The following UNC80 variants were observed in gnomAD, a reference collection of about 807,000 sequenced individuals.
The protein encoded by UNC80 is protein unc-80 homolog.
A neutral mutation model predicts 384.6 loss-of-function variants in UNC80; 164 were observed. The observed-to-expected ratio is 0.43, with a 90% confidence interval of 0.38 to 0.49. The LOEUF (loss-of-function observed/expected upper bound fraction) is 0.49. Among genes scored for constraint, UNC80 ranks in the 20% least tolerant of loss-of-function variants. The pLI is 0.00. For synonymous variants in UNC80, 1,486 were observed against 1,527.8 expected, an observed-to-expected ratio of 0.97 and a Z score of 0.64; for missense variants, 3,330 against 4,143.0, an observed-to-expected ratio of 0.80 and a Z score of 5.39.
intron 60 of UNC80, among the ~76,000 whole-genome samples, chr2:209,983,537 A>G (rs114435562): frequency 6.6e-6 from 1 of 152,098 alleles, no homozygotes; most frequent in African/African-American, 2.4e-5. Context: ...AACATGTCCT[A>G]AAAAAGATAT....
chr2:209,878,579 T>A (rs1340830923), intron 24 of UNC80, among the ~76,000 whole-genome samples: 5 of 152,196 alleles, frequency 3.3e-5, no homozygotes, highest in Non-Finnish European at 4.4e-5. Flanking sequence ...ACTTAAATAT[T>A]AAAATATTCA....
chr2:209,872,918 G>T lies in UNC80; in HGVS notation c.3788G>T (p.Arg1263Leu). 6.4e-7 allele frequency: 1 copy of T among 1,551,636 alleles called. No individual in the cohort carries two copies. Among genetic ancestry groups the T allele is most frequent in the South Asian group, 1.2e-5 (1 of 84,044 alleles). The change falls in exon 23 of 65, where the codon CGA becomes CTA. Residue 1263 changes from arginine (R) to leucine (L), a missense_variant. Transcript: ENST00000673920. This position sits in a 1 kb window ranked among gnomAD's most constrained non-coding sequence, Gnocchi z 4.1. ...RGRSPIVGNKRNQKLQWNAAK... is the reference protein window; with the variant it reads ...RGRSPIVGNKLNQKLQWNAAK... ...CGCTCTCCCATTGTGGGCAACAAGC[G>T]AAACCAGAAGCTGCAGTGGAATGCA...
At chr2:209,938,887 C>A (rs1038113473) in intron 42 of UNC80, among the ~76,000 whole-genome samples, 1 of 152,084 alleles carries the variant, frequency 6.6e-6, no homozygotes, top group African/African-American at 2.4e-5. Context: ...CAGAAGTTTC[C>A]TCAGTAGCTA....
chr2:209,966,928 C>G (rs1025664616), intron 51 of UNC80, among the ~76,000 whole-genome samples: 3 of 152,160 alleles, frequency 2.0e-5, no homozygotes, highest in Admixed American at 2.0e-4. Flanking sequence ...CAACAAAAAC[C>G]AAGAGCACTT....
At chr2:209,793,152 C>A (rs2077932165) in intron 6 of UNC80, among the ~76,000 whole-genome samples, 1 of 152,168 alleles carries the variant, frequency 6.6e-6, no homozygotes, top group Non-Finnish European at 1.5e-5. Context: ...GGCAGAATTA[C>A]ATTTATCAGC....
chr2:209,980,652 G>A (rs1421700949), intron 59 of UNC80, among the ~76,000 whole-genome samples: 2 of 152,142 alleles, frequency 1.3e-5, no homozygotes, highest in Non-Finnish European at 2.9e-5. Context: ...AAGGCCTATC[G>A]GGTATAAGAT....
intron 26 of UNC80, among the ~76,000 whole-genome samples, chr2:209,893,863 A>G (rs1336433227): frequency 6.6e-6 from 1 of 152,208 alleles, no homozygotes; most frequent in Non-Finnish European, 1.5e-5. Context: ...TCCCATGATA[A>G]AAGTGTACTA....
intron 62 of UNC80, among the ~76,000 whole-genome samples, chr2:209,992,789 AT>A (rs917032128): frequency 1.3e-5 from 2 of 152,210 alleles, no homozygotes; most frequent in African/African-American, 2.4e-5. Context: ...AGATTATTTA[AT>A]TTAAAGCAAA....
At chr2:209,807,121 A>G (rs1326245003) in intron 7 of UNC80, among the ~76,000 whole-genome samples, 1 of 152,200 alleles carries the variant, frequency 6.6e-6, no homozygotes, top group Non-Finnish European at 1.5e-5. Flanking sequence ...AACACATACA[A>G]TATTTTTAAA....
chr2:209,821,962 TATC>T (rs2080164991), intron 13 of UNC80, among the ~76,000 whole-genome samples: 1 of 152,224 alleles, frequency 6.6e-6, no homozygotes. Flanking sequence ...TCTTACATGT[TATC>T]ATATTTTCAC....
intron 3 of UNC80, among the ~76,000 whole-genome samples, chr2:209,776,849 T>C (rs1211579185): frequency 6.6e-6 from 1 of 152,256 alleles, no homozygotes. Context: ...GTCCTACCCA[T>C]GTACCCCACG....
In UNC80 at chr2:209,794,085, A is replaced by C. The variant is rs577297662; in HGVS notation, c.938+226A>C. On this transcript the variant is annotated intron_variant, in intron 7 of 64. Coordinates refer to ENST00000673920, the MANE Select transcript of UNC80 (RefSeq NM_001371986.1). ...TGGAAAAGATGCTTCTGATTTAATG[A>C]GATGTCTGAATTAGGTGTTACTTAA... is the stretch of plus-strand genomic sequence containing the variant. Among the ~76,000 whole-genome samples the C allele has an allele frequency of 2.5e-4, 38 of 152,342 alleles. No individual in the cohort carries two copies. The South Asian group carries it at 7.7e-3, about 31-fold the overall frequency.
intron 48 of UNC80, among the ~76,000 whole-genome samples, chr2:209,955,704 T>C (rs1184504557): frequency 4.0e-5 from 2 of 50,218 alleles, no homozygotes; most frequent in African/African-American, 8.0e-5. Context: ...TATATATATA[T>C]ATATATATAT....
intron 24 of UNC80, among the ~76,000 whole-genome samples, chr2:209,879,111 G>A (rs1336216319): frequency 6.6e-6 from 1 of 150,812 alleles, no homozygotes; most frequent in Non-Finnish European, 1.5e-5. Flanking sequence ...TCTTCTTGAC[G>A]TAGCCATTGA....
At chr2:209,935,863 A>C in intron 40 of UNC80, 55 bp downstream of exon 40, 23 of 1,027,810 alleles carry the variant, frequency 2.2e-5, no homozygotes, top group Non-Finnish European at 2.7e-5. Context: ...TGGCCACCTC[A>C]CTGAAGATCC....
At chr2:209,993,503 C>T (rs1016331690) in intron 63 of UNC80, 77 bp downstream of exon 63, 2 of 1,266,020 alleles carry the variant, frequency 1.6e-6, no homozygotes, top group Non-Finnish European at 2.2e-6. Flanking sequence ...CTTACAAAAA[C>T]CAAGCTGATG....
At chr2:209,977,281 A>G (rs1463975367) in intron 58 of UNC80, among the ~76,000 whole-genome samples, 1 of 152,278 alleles carries the variant, frequency 6.6e-6, no homozygotes, top group Non-Finnish European at 1.5e-5. Flanking sequence ...GTAACAAAAT[A>G]GAAATCAAAA....
Position 209,866,533 on chromosome 2 carries a change from C to CACATACACACACAG in UNC80, c.3628-6224_3628-6223insCATACACACACAGA, listed in dbSNP as rs1307214321. 3.6e-4 allele frequency among the ~76,000 whole-genome samples: 37 copies of CACATACACACACAG among 104,130 alleles called. No homozygotes were observed. In the East Asian group the frequency reaches 6.1e-3, roughly 17 times the overall value. The allele number at this position is 104,130 out of a possible 152,430, so 68.3% of individuals were successfully genotyped here. On this transcript the variant is annotated intron_variant, in intron 22 of 64. Coordinates refer to ENST00000673920, the MANE Select transcript of UNC80 (RefSeq NM_001371986.1). ...ACACACACACACACACACACACACACAGAGAGAGAGAGAGAGAGAGAGAGA... is the reference window on the plus strand; with the variant it reads ...ACACACACACACACACACACACACACACATACACACACAGAGAGAGAGAGAGAGAGAGAGAGAGA...
chr2:209,967,688 A>T, intron 52 of UNC80, 51 bp downstream of exon 52: 2 of 1,525,576 alleles, frequency 1.3e-6, no homozygotes, highest in Middle Eastern at 1.7e-4. Flanking sequence ...CAAAGTTAAG[A>T]TTTGTCATTT....
Sources: gnomAD v4.1 joint callset for allele counts (sites outside exome capture counted in the v4.1 genomes callset) on GRCh38, gnomAD v4.1.1 for gene constraint, Gnocchi (gnomAD v3.1) non-coding constraint, MANE v1.5 for transcripts, NCBI Gene and HGNC (gene_info 2026-07-23, HGNC 2026-07-21) for gene names.